Variants in RNF20 observed in about 807,000 individuals in gnomAD.
The protein encoded by RNF20 is E3 ubiquitin-protein ligase BRE1A.
A neutral mutation model predicts 126.2 loss-of-function variants in RNF20; 84 were observed. The observed-to-expected ratio is 0.67, with a 90% CI of 0.56 to 0.80. The LOEUF (loss-of-function observed/expected upper bound fraction) is 0.80, where lower values mean the gene tolerates loss of function less well. Among genes scored for constraint, RNF20 ranks in the 30% least tolerant of loss-of-function variants. The pLI is 0.00. For synonymous variants in RNF20, 400 were observed against 414.3 expected, an observed-to-expected ratio of 0.97 and a Z score of 0.42; for missense variants, 869 against 1,188.2, an observed-to-expected ratio of 0.73 and a Z score of 3.95.
At position 101,540,198 on chromosome 9, in the gene RNF20, G is replaced by A; in HGVS notation, c.130-5G>A. 6.2e-7 allele frequency: 1 copy of A among 1,613,380 alleles called. No individual in the cohort carries two copies. The highest frequency in any genetic ancestry group is 8.5e-7 in the Non-Finnish European group (1 of 1,179,502). On this transcript the variant is annotated splice_polypyrimidine_tract_variant and splice_region_variant and intron_variant, in intron 2 of 19. Coordinates refer to ENST00000389120, the MANE Select transcript of RNF20 (RefSeq NM_019592.7). ...GGAGACTAATACGATTGGTTTACTG[G>A]GCAGGAGGAACTAGACATTAGAACA... is the stretch of plus-strand genomic sequence containing the variant.
intron 4 of RNF20, 26 bp from the exon 5 acceptor site, chr9:101,540,767 T>C (rs748876328): frequency 6.3e-7 from 1 of 1,594,370 alleles, no homozygotes; most frequent in East Asian, 2.2e-5. Context: ...TTTGGGGGGC[T>C]TCTTTTTTTC....
chr9:101,546,673 A>G, intron 6 of RNF20, 147 bp from the exon 7 acceptor site: 1 of 730,226 alleles, frequency 1.4e-6, no homozygotes, highest in Non-Finnish European at 2.2e-6. Context: ...GGAATCCGTG[A>G]TTTCATTTTT....
intron 9 of RNF20, among the ~76,000 whole-genome samples, chr9:101,548,173 A>G (rs1157679546): frequency 6.6e-6 from 1 of 152,118 alleles, no homozygotes. Context: ...GTGTGTGTGT[A>G]TATGTGCAAC....
Position 101,546,930 on chromosome 9 carries a change from G to A in RNF20, c.858G>A (p.Gln286=). ...TTGACAAAATTCGAAAGAGGGAACA[G>A]CGACTCAACCGACACTTAGCAGAAG... The part of the protein sequence containing the change: ...WDIDKIRKRE[Q]RLNRHLAEVL... The change falls in exon 7 of 20, where the codon CAG becomes CAA. Residue 286 remains glutamine, a synonymous_variant. Coordinates refer to ENST00000389120, the MANE Select transcript of RNF20 (RefSeq NM_019592.7). The A allele has an allele frequency of 6.2e-7, 1 of 1,614,128 alleles. No homozygotes were observed. The highest frequency in any genetic ancestry group is 8.5e-7 in the Non-Finnish European group (1 of 1,180,000).
Position 101,534,876 on chromosome 9 carries a change from A to AATTT in RNF20, c.-26-519_-26-516dup, listed in dbSNP as rs1827157287. Among the ~76,000 whole-genome samples the AATTT allele has an allele frequency of 2.0e-5, 3 of 151,836 alleles. No individual in the cohort carries two copies. The South Asian group carries it at 6.2e-4, about 32-fold the overall frequency. ...CATTCTTATCACCATCCTATTTAGA[A>AATTT]ATTTATAGTCATGTAAATTTAGCCT... On this transcript the variant is annotated intron_variant, in intron 1 of 19. Coordinates refer to ENST00000389120, the MANE Select transcript of RNF20 (RefSeq NM_019592.7).
Position 101,540,871 on chromosome 9 carries a change from A to T in RNF20, c.524A>T (p.Gln175Leu). 6.2e-7 allele frequency: 1 copy of T among 1,614,002 alleles called. No homozygotes were observed. ...SSSEEMESQLQERVESSRRAV... is the reference protein window; with the variant it reads ...SSSEEMESQLLERVESSRRAV... Reference sequence around the variant, plus strand: ...AGTGAAGAGATGGAGTCTCAGCTGCAGGAACGTGTGGAGTCTTCCCGCCGA... The same window carrying T: ...AGTGAAGAGATGGAGTCTCAGCTGCTGGAACGTGTGGAGTCTTCCCGCCGA... The change falls in exon 5 of 20, where the codon CAG becomes CTG. Residue 175 changes from glutamine to leucine, a missense_variant. Transcript: ENST00000389120.
At chr9:101,551,509 G>T (rs1014975951) in intron 10 of RNF20, among the ~76,000 whole-genome samples, 175 bp from the exon 11 acceptor site, 5 of 136,950 alleles carry the variant, frequency 3.7e-5, no homozygotes, top group Admixed American at 1.5e-4. Flanking sequence ...CTCAGAATTG[G>T]TGGCCATTTT....
At position 101,554,773 on chromosome 9, in the gene RNF20, C is replaced by G. The variant is rs777526944; in HGVS notation, c.2099C>G (p.Ala700Gly). ...AACAAGAAAATGGCTGATGAGGATG[C>G]CTTGAGGAAGATCCGGGCAGTGGAG... ...KENKKMADED[A>G]LRKIRAVEEQ... is the part of the protein sequence containing the mutation. Residue 700 changes from alanine to glycine, a missense_variant, in exon 15 of 20, where the codon GCC (alanine) becomes GGC (glycine). By Grantham distance (60) the Ala-to-Gly change is moderately conservative. This residue lies in a region of RNF20 where 231 missense variants were observed against 263.6 expected (regional missense o/e 0.88). Transcript: ENST00000389120. The G allele has an allele frequency of 5.6e-6, 9 of 1,595,466 alleles. No homozygotes were observed. The highest frequency in any genetic ancestry group is 2.2e-5 in the South Asian group (2 of 89,038).
chr9:101,547,597 C>T (rs145196625), intron 9 of RNF20, 79 bp downstream of exon 9: 37 of 1,502,588 alleles, frequency 2.5e-5, no homozygotes, highest in African/African-American at 1.9e-4. Flanking sequence ...TGTGAATCTG[C>T]GTATTCATGA....
At chr9:101,545,404 A>C (rs1368822727) in intron 6 of RNF20, among the ~76,000 whole-genome samples, 1 of 152,236 alleles carries the variant, frequency 6.6e-6, no homozygotes, top group Non-Finnish European at 1.5e-5. Flanking sequence ...CCATTTACTT[A>C]GTGCCTAGAA....
At chr9:101,555,687 C>A (rs773117635) in intron 15 of RNF20, among the ~76,000 whole-genome samples, 4 of 151,910 alleles carry the variant, frequency 2.6e-5, no homozygotes, top group African/African-American at 9.7e-5. Context: ...CGCGGTGGCT[C>A]ATGCCTGTAA....
At chr9:101,554,250 C>G (rs1588224333) in intron 14 of RNF20, 145 bp downstream of exon 14, 1 of 558,360 alleles carries the variant, frequency 1.8e-6, no homozygotes, top group East Asian at 3.0e-5. Flanking sequence ...CAAAGACCAT[C>G]TGAAGTAGAG....
In RNF20 at chr9:101,548,001, T is replaced by C. The variant is rs571927496; in HGVS notation, c.1092+483T>C. ...CTACAGAATCAACATACAAAAACAA[T>C]TGTGTGTCTATATACCAACAACAAA... On this transcript the variant is annotated intron_variant, in intron 9 of 19. Coordinates refer to ENST00000389120, the MANE Select transcript of RNF20 (RefSeq NM_019592.7). 7.5e-4 allele frequency among the ~76,000 whole-genome samples: 114 copies of C among 152,218 alleles called. 3 individuals carry two copies. The highest frequency in any genetic ancestry group is 6.9e-3 in the Admixed American group (106 of 15,290).
At chr9:101,559,527 G>A (rs886253345) in intron 16 of RNF20, among the ~76,000 whole-genome samples, 1 of 152,154 alleles carries the variant, frequency 6.6e-6, no homozygotes, top group Non-Finnish European at 1.5e-5. Context: ...ACCCATCCAC[G>A]AGCATGGGAT....
Position 101,560,841 on chromosome 9 carries a change from A to T in RNF20, c.2423A>T (p.Lys808Met). The change falls in exon 17 of 20, where the codon AAG becomes ATG. Residue 808 changes from lysine (K) to methionine (M), a missense_variant. Transcript: ENST00000389120. ...CAGGTAGTAAGGAAACTGGAAGAGA[A>T]GGAGCATCTGTTACAGAGCAACATT... is the stretch of plus-strand genomic sequence containing the variant. ...QLQVVRKLEE[K>M]EHLLQSNIGT... The T allele has an allele frequency of 6.2e-7, 1 of 1,613,576 alleles. No homozygotes were observed.
At position 101,540,908 on chromosome 9, in the gene RNF20, G is replaced by T. The variant is rs1827250827; in HGVS notation, c.561G>T (p.Gln187His). 6.2e-7 allele frequency: 1 copy of T among 1,613,862 alleles called. No homozygotes were observed. ...AGTCTTCCCGCCGAGCCGTGTCCCAGATTGTGACTGTTTATGATAAATTGC... is the reference window on the plus strand; with the variant it reads ...AGTCTTCCCGCCGAGCCGTGTCCCATATTGTGACTGTTTATGATAAATTGC... ...RVESSRRAVS[Q>H]IVTVYDKLQE... The change falls in exon 5 of 20, where the codon CAG becomes CAT. Residue 187 changes from glutamine (Q) to histidine (H), a missense_variant. Around this residue, in one of 8 missense-constraint regions of RNF20, gnomAD observed 157 missense variants for 236.0 expected, o/e 0.67. Transcript: ENST00000389120.
intron 16 of RNF20, 31 bp from the exon 17 acceptor site, chr9:101,560,770 T>G (rs1263794243): frequency 6.3e-7 from 1 of 1,580,652 alleles, no homozygotes; most frequent in Non-Finnish European, 8.6e-7. Flanking sequence ...AATCTTTTCA[T>G]TTGTGTTAAA....
At chr9:101,545,647 G>C (rs949835819) in intron 6 of RNF20, among the ~76,000 whole-genome samples, 3 of 152,122 alleles carry the variant, frequency 2.0e-5, no homozygotes, top group Non-Finnish European at 4.4e-5. Context: ...AATATCATCT[G>C]GGGAATTTAT....
chr9:101,543,420 C>T (rs568221935), intron 5 of RNF20, among the ~76,000 whole-genome samples: 4 of 146,554 alleles, frequency 2.7e-5, no homozygotes, highest in South Asian at 2.2e-4. Context: ...CCTGCCAGAG[C>T]GGCACTGTCT....
Sources: allele counts gnomAD v4.1 joint callset (sites outside exome capture counted in the v4.1 genomes callset), GRCh38; gene constraint gnomAD v4.1.1; regional missense constraint gnomAD v4.1.1; transcripts MANE v1.5; gene names NCBI Gene and HGNC (gene_info 2026-07-23, HGNC 2026-07-21).